CEP63: variants seen among roughly 807,000 people sequenced by gnomAD.
CEP63 encodes centrosomal protein of 63 kDa.
A neutral mutation model predicts 89.1 loss-of-function variants in CEP63; 84 were observed. That is an observed-to-expected ratio of 0.94 (90% CI 0.79 to 1.13). The LOEUF is 1.13. CEP63 is among the 50% of genes most tolerant of loss of function. The pLI, the probability that CEP63 is intolerant of heterozygous loss-of-function variation, is 0.00. For synonymous variants in CEP63, 267 were observed against 272.5 expected (o/e 0.98, Z 0.20); for missense variants, 838 against 813.3 (o/e 1.03, Z -0.37).
chr3:134,495,061 C>T (rs1474197815), intron 1 of CEP63, among the ~76,000 whole-genome samples: 5 of 152,152 alleles, frequency 3.3e-5, no homozygotes, highest in Admixed American at 1.3e-4. Flanking sequence ...GATATTTACA[C>T]GGAGAGAGTG....
At chr3:134,712,592 C>T in the CEP63 span, among the ~76,000 whole-genome samples, 1 of 152,142 alleles carries the variant, frequency 6.6e-6, no homozygotes, top group Non-Finnish European at 1.5e-5. Flanking sequence ...AGTTTTTTCT[C>T]TCCCTGGATT....
At chr3:134,767,885 C>T in the CEP63 span, among the ~76,000 whole-genome samples, 2 of 152,136 alleles carry the variant, frequency 1.3e-5, no homozygotes, top group African/African-American at 2.4e-5. Context: ...AACCTAGCTA[C>T]AGAGAGAGAA....
chr3:134,542,500 G>T (rs9835204), intron 6 of CEP63, among the ~76,000 whole-genome samples: 100,194 of 151,992 alleles, frequency 0.66, 33,423 homozygotes, highest in East Asian at 0.81. Context: ...CTGCACTGGC[G>T]CATTTGGAGT....
the CEP63 span, chr3:134,619,144 G>C: frequency 1.2e-6 from 2 of 1,611,272 alleles, no homozygotes; most frequent in South Asian, 1.1e-5. Context: ...CCTGTCTCTC[G>C]TACCTGCACA....
the CEP63 span, among the ~76,000 whole-genome samples, chr3:134,645,603 G>A: frequency 2.6e-5 from 4 of 152,338 alleles, no homozygotes; most frequent in South Asian, 2.1e-4. Context: ...GCATGCAAAC[G>A]TACCATTTGA....
chr3:134,704,392 C>T, the CEP63 span, among the ~76,000 whole-genome samples: 2 of 151,498 alleles, frequency 1.3e-5, no homozygotes, highest in African/African-American at 2.4e-5. Context: ...ATCCAGTAGA[C>T]ATTTAGTAGG....
the CEP63 span, among the ~76,000 whole-genome samples, chr3:134,635,405 G>A: frequency 6.8e-6 from 1 of 147,632 alleles, no homozygotes; most frequent in Non-Finnish European, 1.5e-5. Context: ...GCTGAGGCAG[G>A]AGAATCGCTT....
At chr3:134,632,250 C>T in the CEP63 span, among the ~76,000 whole-genome samples, 1 of 152,048 alleles carries the variant, frequency 6.6e-6, no homozygotes, top group Admixed American at 6.5e-5. Flanking sequence ...AAATGAACTA[C>T]ACAATGAATA....
chr3:134,772,419 C>G, the CEP63 span, among the ~76,000 whole-genome samples: 2 of 152,156 alleles, frequency 1.3e-5, no homozygotes, highest in Non-Finnish European at 2.9e-5. Context: ...TTGTGGACAC[C>G]TTGTACAGGT....
At position 134,545,895 on chromosome 3, in the gene CEP63, A is replaced by G. The variant is rs1207201099; in HGVS notation, c.789+76A>G. The G allele has an allele frequency of 2.7e-6, 3 of 1,101,102 alleles. No individual in the cohort carries two copies. The African/African-American group carries it at 4.7e-5, about 17-fold the overall frequency. The allele number at this position is 1,101,102 out of a possible 1,614,324, so 68.2% of individuals were successfully genotyped here. On this transcript the variant is annotated intron_variant, in intron 7 of 14. Transcript: ENST00000675561. The stretch of plus-strand genomic sequence containing the variant: ...AAGAGAGTGTTATTAAGCTAGAACT[A>G]GGTTCTACAATCCATACTTTCTTCC...
At position 134,562,715 on chromosome 3, in the gene CEP63, T is replaced by G. The variant is rs1329903856; in HGVS notation, c.*1180T>G. 1 of 152,508 alleles carries G rather than the reference T, an allele frequency of 6.6e-6. No homozygotes were observed. The highest frequency in any genetic ancestry group is 1.5e-5 in the Non-Finnish European group (1 of 68,212). The allele number at this position is 152,508 out of a possible 1,614,324, so 9.4% of individuals were successfully genotyped here. ...CATCCCCAGACTGCTTTCTTGCTCT[T>G]GAGTTCACCAGTGACCTAATCAGTG... On this transcript the variant is annotated 3_prime_UTR_variant, in exon 15 of 15. Transcript: ENST00000675561.
intron 8 of CEP63, 89 bp from the exon 9 acceptor site, chr3:134,547,246 C>A: frequency 1.5e-6 from 2 of 1,301,176 alleles, no homozygotes; most frequent in Non-Finnish European, 2.2e-6. Context: ...AAGAGGTTAC[C>A]AAAAATGATG....
the CEP63 span, among the ~76,000 whole-genome samples, chr3:134,650,566 C>A: frequency 6.6e-6 from 1 of 152,172 alleles, no homozygotes; most frequent in Non-Finnish European, 1.5e-5. Flanking sequence ...GAAAAAGACT[C>A]CCAGGGGTGA....
the CEP63 span, among the ~76,000 whole-genome samples, chr3:134,774,204 CCTT>C: frequency 3.0e-4 from 45 of 152,238 alleles, no homozygotes; most frequent in Admixed American, 2.0e-3. Context: ...CCCCTCCTCA[CCTT>C]CTTCTTATTT....
the CEP63 span, among the ~76,000 whole-genome samples, chr3:134,742,383 G>T: frequency 1.3e-5 from 2 of 152,166 alleles, no homozygotes; most frequent in Admixed American, 1.3e-4. Context: ...CATGGGTGTG[G>T]GTGGGTGGTG....
chr3:134,776,628 G>C, the CEP63 span, among the ~76,000 whole-genome samples: 1 of 152,160 alleles, frequency 6.6e-6, no homozygotes, highest in Non-Finnish European at 1.5e-5. Context: ...GTGAAGCCAG[G>C]AGTACACGCT....
the CEP63 span, among the ~76,000 whole-genome samples, chr3:134,754,449 A>G: frequency 6.6e-6 from 1 of 152,134 alleles, no homozygotes. Context: ...CTTGCTTCAC[A>G]ACTCCCTTCC....
chr3:134,608,716 A>G, the CEP63 span: 1 of 1,613,878 alleles, frequency 6.2e-7, no homozygotes, highest in Non-Finnish European at 8.5e-7. Flanking sequence ...CACTCTTGTG[A>G]TACATGTTGT....
chr3:134,558,467 C>G, intron 13 of CEP63, 120 bp downstream of exon 13: 1 of 755,354 alleles, frequency 1.3e-6, no homozygotes, highest in South Asian at 1.7e-5. Flanking sequence ...ATGTTTAATT[C>G]TGAAGTATAG....
Sources: allele counts gnomAD v4.1 joint callset (sites outside exome capture counted in the v4.1 genomes callset), GRCh38; gene constraint gnomAD v4.1.1; transcripts MANE v1.5; gene names NCBI Gene and HGNC (gene_info 2026-07-23, HGNC 2026-07-21).